The following CLSTN1 variants were observed in gnomAD, a reference collection of about 807,000 sequenced individuals.
CLSTN1 encodes the protein calsyntenin 1.
A neutral mutation model predicts 108.3 loss-of-function variants in CLSTN1; 28 were observed. The observed-to-expected ratio is 0.26, with a 90% CI of 0.19 to 0.35. The LOEUF (loss-of-function observed/expected upper bound fraction) is 0.35. Ranked by LOEUF, CLSTN1 falls within the 10% of genes least tolerant of loss-of-function variation. CLSTN1 has a pLI of 1.00. For missense variants in CLSTN1, 1,157 were observed against 1,302.6 expected (o/e 0.89, Z 1.72); for synonymous variants, 524 against 534.9 (o/e 0.98, Z 0.28).
chr1:9,732,812 G>A (rs956506176), intron 16 of CLSTN1, among the ~76,000 whole-genome samples: 3 of 152,218 alleles, frequency 2.0e-5, no homozygotes, highest in African/African-American at 4.8e-5. Context: ...AACCTGGGCC[G>A]AGGACTCGAC....
intron 1 of CLSTN1, among the ~76,000 whole-genome samples, chr1:9,783,142 C>G (rs371212156): frequency 6.6e-6 from 1 of 152,228 alleles, no homozygotes; most frequent in African/African-American, 2.4e-5. Flanking sequence ...ACCCAGTACA[C>G]GAACAGTTCC....
intron 1 of CLSTN1, among the ~76,000 whole-genome samples, chr1:9,779,350 A>G (rs893860619): frequency 2.0e-5 from 3 of 152,160 alleles, no homozygotes; most frequent in African/African-American, 7.2e-5. Context: ...AGGCAGGCCA[A>G]TTACCTAAGG....
chr1:9,798,441 AT>A (rs968017770), intron 1 of CLSTN1, among the ~76,000 whole-genome samples: 3 of 152,204 alleles, frequency 2.0e-5, no homozygotes, highest in Admixed American at 1.3e-4. Flanking sequence ...GCCTCAAAAA[AT>A]TATGAAACTC....
intron 2 of CLSTN1, among the ~76,000 whole-genome samples, chr1:9,771,681 G>A (rs1652690307): frequency 1.3e-5 from 2 of 152,140 alleles, no homozygotes; most frequent in South Asian, 4.1e-4. Context: ...TGCTGTGTGT[G>A]TGTTCACGGC....
In CLSTN1 at chr1:9,789,828, A is replaced by C. The variant is rs556770481; in HGVS notation, c.92-16434T>G. Among the ~76,000 whole-genome samples the C allele has an allele frequency of 3.3e-5, 5 of 151,290 alleles. 2 individuals carry two copies. The East Asian group carries it at 9.9e-4, about 30-fold the overall frequency. On this transcript the variant is annotated intron_variant, in intron 1 of 18. Transcript: ENST00000377298. ...ACCCGTCTCTAGTAAAAAATACAAA[A>C]ATTAGCCAGGCGTGGTGATGCACAC... is the stretch of plus-strand genomic sequence containing the variant.
At position 9,735,927 on chromosome 1, in the gene CLSTN1, C is replaced by G. The variant is rs780824392; in HGVS notation, c.1692G>C (p.Gly564=). ...VIDCLYTCKE[G]LDLQVLEDSG... is the part of the protein sequence containing the mutation. ...TGTCTTCGAGGACCTGCAGGTCCAG[C>G]CCCTCCTTGCAGGTATACAGACAGT... The change falls in exon 12 of 19, where the codon GGG becomes GGC. Residue 564 remains glycine, a synonymous_variant. Transcript: ENST00000377298. The G allele has an allele frequency of 4.3e-6, 7 of 1,614,074 alleles. No individual in the cohort carries two copies. In the Admixed American group the frequency reaches 6.7e-5, roughly 15 times the overall value.
intron 1 of CLSTN1, among the ~76,000 whole-genome samples, chr1:9,796,059 T>C (rs1392912561): frequency 1.4e-5 from 2 of 143,468 alleles, no homozygotes; most frequent in Admixed American, 1.4e-4. Flanking sequence ...GTCAGGAGTT[T>C]GAGACCAGCC....
intron 1 of CLSTN1, among the ~76,000 whole-genome samples, chr1:9,814,330 T>C (rs1282527522): frequency 6.6e-6 from 1 of 151,668 alleles, no homozygotes; most frequent in Non-Finnish European, 1.5e-5. Context: ...GCAGATCGCT[T>C]GAACCTTGGG....
intron 2 of CLSTN1, among the ~76,000 whole-genome samples, chr1:9,772,140 C>CTT (rs57522417): frequency 3.2e-5 from 1 of 30,930 alleles, no homozygotes; most frequent in Non-Finnish European, 5.4e-5. Context: ...CCACACCCGG[C>CTT]TTTTTTTTTT....
At chr1:9,732,779 G>A (rs1456055676) in intron 16 of CLSTN1, among the ~76,000 whole-genome samples, 3 of 152,312 alleles carry the variant, frequency 2.0e-5, no homozygotes, top group South Asian at 2.1e-4. Context: ...CTGCCCGTGC[G>A]GGTCCCTGCG....
chr1:9,746,457 T>A (rs137935298), intron 7 of CLSTN1, among the ~76,000 whole-genome samples: 167 of 152,336 alleles, frequency 1.1e-3, no homozygotes, highest in African/African-American at 3.9e-3. Flanking sequence ...GGCTTGCGCC[T>A]GTAATCCCAG....
At chr1:9,801,701 T>C (rs1654277923) in intron 1 of CLSTN1, among the ~76,000 whole-genome samples, 1 of 152,128 alleles carries the variant, frequency 6.6e-6, no homozygotes, top group Admixed American at 6.6e-5. Flanking sequence ...ATTACAGGCA[T>C]GCACCACCAT....
At chr1:9,749,248 A>G (rs1651431793) in intron 7 of CLSTN1, among the ~76,000 whole-genome samples, 1 of 152,092 alleles carries the variant, frequency 6.6e-6, no homozygotes, top group Admixed American at 6.6e-5. Context: ...TGTTGAATAG[A>G]CGTTTAGGAG....
chr1:9,796,468 A>C (rs971104852), intron 1 of CLSTN1, among the ~76,000 whole-genome samples: 1 of 150,018 alleles, frequency 6.7e-6, no homozygotes, highest in African/African-American at 2.4e-5. Context: ...CGAGGTCAGG[A>C]AATCGAGACC....
At chr1:9,801,765 A>T (rs953230092) in intron 1 of CLSTN1, among the ~76,000 whole-genome samples, 1 of 152,162 alleles carries the variant, frequency 6.6e-6, no homozygotes, top group Non-Finnish European at 1.5e-5. Flanking sequence ...CATGTTGGTC[A>T]GGCTGATCTC....
At chr1:9,795,539 C>A (rs1465278092) in intron 1 of CLSTN1, among the ~76,000 whole-genome samples, 1 of 151,288 alleles carries the variant, frequency 6.6e-6, no homozygotes, top group Non-Finnish European at 1.5e-5. Context: ...ACTGAAGAAG[C>A]ATGTTTATTT....
intron 1 of CLSTN1, among the ~76,000 whole-genome samples, chr1:9,807,954 G>A (rs1288967383): frequency 1.3e-5 from 2 of 152,230 alleles, no homozygotes; most frequent in African/African-American, 4.8e-5. Context: ...CATCCCAGGT[G>A]GGGGTCAAGG....
chr1:9,766,299 AAGG>A (rs1652328121), intron 2 of CLSTN1, among the ~76,000 whole-genome samples: 1 of 152,214 alleles, frequency 6.6e-6, no homozygotes, highest in Non-Finnish European at 1.5e-5. Flanking sequence ...CATCATCTTC[AAGG>A]CCCCAACCCT....
At chr1:9,785,956 G>A (rs535613479) in intron 1 of CLSTN1, among the ~76,000 whole-genome samples, 5 of 151,728 alleles carry the variant, frequency 3.3e-5, no homozygotes, top group South Asian at 2.1e-4. Flanking sequence ...TGGGTGGATC[G>A]CTTGAGTTCA....
Sources: gnomAD v4.1 joint callset for allele counts (sites outside exome capture counted in the v4.1 genomes callset) on GRCh38, gnomAD v4.1.1 for gene constraint, MANE v1.5 for transcripts, NCBI Gene and HGNC (gene_info 2026-07-23, HGNC 2026-07-21) for gene names.